The following HYDIN variants were observed in gnomAD, a reference collection of about 807,000 sequenced individuals.
The protein encoded by HYDIN is axonemal central pair apparatus protein HYDIN.
HYDIN carries 132 observed loss-of-function variants against 403.9 expected under a neutral mutation model. The ratio of observed to expected loss-of-function variants is 0.33; its 90% CI spans 0.28 to 0.38. The LOEUF (loss-of-function observed/expected upper bound fraction) is 0.38. Ranked by LOEUF, HYDIN falls within the 10% of genes least tolerant of loss-of-function variation. The pLI is 1.00. For synonymous variants in HYDIN, 1,202 were observed against 1,891.7 expected (o/e 0.64, Z 9.46); for missense variants, 2,827 against 5,009.5 (o/e 0.56, Z 13.15).
At chr16:71,175,916 C>T in intron 4 of HYDIN, 175 bp from the exon 5 acceptor site, 1 of 686,200 alleles carries the variant, frequency 1.5e-6, no homozygotes, top group Non-Finnish European at 2.6e-6. Flanking sequence ...AAAGTAAGCA[C>T]CCAATACCTT....
At chr16:71,186,489 T>G (rs370115399) in intron 2 of HYDIN, among the ~76,000 whole-genome samples, 2 of 152,294 alleles carry the variant, frequency 1.3e-5, no homozygotes, top group South Asian at 4.1e-4. Context: ...TGCTACCTAA[T>G]ATTTAGAAAA....
rs1238159820 is a variant in HYDIN, at chr16:71,062,672, C to T, written c.2212-339G>A. On this transcript the variant is annotated intron_variant, in intron 16 of 85. Transcript: ENST00000393567. ...CTTAACCTGGCCCTCTGCACCCTCA[C>T]GCATCATCCCCACTCCCTTGCCCTT... 6 of 185,206 alleles carry T rather than the reference C, an allele frequency of 3.2e-5. No individual in the cohort carries two copies. In the South Asian group the frequency reaches 3.3e-4, roughly 10 times the overall value. 11.5% of individuals were successfully genotyped at this position (185,206 alleles called of 1,614,324 possible). A position where few individuals can be genotyped will look rare whatever the true frequency, so the allele number is the denominator to read the frequency against.
At chr16:71,178,301 C>T (rs1180107821) in intron 4 of HYDIN, among the ~76,000 whole-genome samples, 1 of 151,500 alleles carries the variant, frequency 6.6e-6, no homozygotes, top group Non-Finnish European at 1.5e-5. Context: ...TGCCTGTAGT[C>T]CCAGCTACTG....
chr16:70,902,821 A>ATTTTTTTTTTTTTTTTTTTTTT (rs60618592), intron 52 of HYDIN, among the ~76,000 whole-genome samples: 3 of 47,312 alleles, frequency 6.3e-5, no homozygotes, highest in East Asian at 5.5e-4. Flanking sequence ...ATATATATAT[A>ATTTTTTTTTTTTTTTTTTTTTT]TTTTTTTTTT....
chr16:71,136,769 A>AG, intron 8 of HYDIN, among the ~76,000 whole-genome samples: 1 of 147,542 alleles, frequency 6.8e-6, no homozygotes, highest in East Asian at 2.0e-4. Context: ...TCCATCTCAA[A>AG]AAAAAAAAAA....
intron 9 of HYDIN, among the ~76,000 whole-genome samples, chr16:71,124,212 A>G (rs1404840203): frequency 1.3e-5 from 2 of 152,032 alleles, no homozygotes; most frequent in Non-Finnish European, 2.9e-5. Flanking sequence ...TGGACCCTAC[A>G]GCCTTGTTAA....
chr16:70,826,547 T>C (rs1024659422), intron 83 of HYDIN, among the ~76,000 whole-genome samples: 9 of 152,064 alleles, frequency 5.9e-5, no homozygotes, highest in Non-Finnish European at 8.8e-5. Flanking sequence ...GTTTCTATTT[T>C]ATGGTAACTT....
chr16:71,113,481 T>C (rs549255113), intron 10 of HYDIN: 1 of 152,370 alleles, frequency 6.6e-6, no homozygotes, highest in East Asian at 1.9e-4. Flanking sequence ...TAATGTCCTT[T>C]ATAGCAAAGG....
At chr16:71,059,407 C>T (rs1046565738) in intron 18 of HYDIN, among the ~76,000 whole-genome samples, 1 of 152,162 alleles carries the variant, frequency 6.6e-6, no homozygotes, top group Non-Finnish European at 1.5e-5. Context: ...ATCTTTTCCC[C>T]ATTGCTTTTG....
chr16:71,133,167 C>G, intron 8 of HYDIN: 1 of 435,092 alleles, frequency 2.3e-6, no homozygotes. Context: ...CCCTTCAGCA[C>G]CCACAAGAGG....
chr16:70,883,124 T>A (rs1052056722), intron 59 of HYDIN, among the ~76,000 whole-genome samples: 1 of 152,190 alleles, frequency 6.6e-6, no homozygotes, highest in Admixed American at 6.5e-5. Flanking sequence ...AATGGTAAGA[T>A]CCAAGATCTG....
chr16:70,905,632 T>TAA lies in HYDIN; in HGVS notation c.8517-1570_8517-1569dup, dbSNP rs10718035. On this transcript the variant is annotated intron_variant, in intron 50 of 85. Transcript: ENST00000393567. ...TGGGTGACGGAGTAAGACCCTATCTTAAAAAAAAAAAAAAAAAAAAAGACA... is the reference window on the plus strand; with the variant it reads ...TGGGTGACGGAGTAAGACCCTATCTTAAAAAAAAAAAAAAAAAAAAAAAGACA... 4.0e-4 allele frequency among the ~76,000 whole-genome samples: 40 copies of TAA among 99,540 alleles called. 1 individual carries two copies. Among genetic ancestry groups the TAA allele is most frequent in the Admixed American group, 3.0e-3 (29 of 9,600 alleles). 65.3% of individuals were successfully genotyped at this position (99,540 alleles called of 152,430 possible).
At chr16:71,068,723 G>A (rs1174641361) in intron 14 of HYDIN, among the ~76,000 whole-genome samples, 1 of 152,208 alleles carries the variant, frequency 6.6e-6, no homozygotes, top group African/African-American at 2.4e-5. Flanking sequence ...AAACATGGAA[G>A]GATGAGTATT....
chr16:70,959,782 C>A lies in HYDIN; in HGVS notation c.6007G>T (p.Glu2003Ter). 1 of 938,898 alleles carries A rather than the reference C, an allele frequency of 1.1e-6. No homozygotes were observed. The highest frequency in any genetic ancestry group is 2.8e-5 in the East Asian group (1 of 35,644). The allele number at this position is 938,898 out of a possible 1,614,324, so 58.2% of individuals were successfully genotyped here. ...LQSIDSHSME[E>*]VGEVENNPVS... Reference sequence around the variant, plus strand: ...GGGTTGTTTTCCACCTCTCCAACTTCCTCCATGGAGTGGCTGTCAATGCTC... The same window carrying A: ...GGGTTGTTTTCCACCTCTCCAACTTACTCCATGGAGTGGCTGTCAATGCTC... The change falls in exon 39 of 86, where the codon GAA becomes TAA. Residue 2003 changes from glutamate to a stop codon, truncating the protein, a stop_gained. Coordinates refer to ENST00000393567, the MANE Select transcript of HYDIN (RefSeq NM_001270974.2). LOFTEE classifies it high-confidence loss of function.
rs1265364688 is a variant in HYDIN, at chr16:70,818,502, C to A, written c.14498G>T (p.Gly4833Val). ...CACCATCTCGATGGTTTTGATGATG[C>A]CTGAAGGGATGACCCTGAAACTCAC... Reference protein sequence around the residue: ...YNVSFRVIPSGIIKTIEMVTP... With the variant: ...YNVSFRVIPSVIIKTIEMVTP... Residue 4833 changes from glycine to valine, a missense_variant, in exon 84 of 86, where the codon GGC (glycine) becomes GTC (valine). Transcript: ENST00000393567. 6.9e-7 allele frequency: 1 copy of A among 1,450,464 alleles called. No homozygotes were observed. The highest frequency in any genetic ancestry group is 1.9e-5 in the Admixed American group (1 of 53,352). 89.8% of individuals were successfully genotyped at this position (1,450,464 alleles called of 1,614,324 possible).
intron 45 of HYDIN, among the ~76,000 whole-genome samples, chr16:70,921,977 G>A (rs1247966220): frequency 1.3e-5 from 2 of 152,116 alleles, no homozygotes; most frequent in East Asian, 1.9e-4. Flanking sequence ...AGGCTCCATC[G>A]TTTTTTGGGT....
At chr16:71,133,412 C>A (rs534756744) in intron 8 of HYDIN, 53 of 372,484 alleles carry the variant, frequency 1.4e-4, no homozygotes, top group Non-Finnish European at 2.5e-4. Flanking sequence ...TTTGTATAAA[C>A]CCTAGGGAAG....
chr16:70,911,744 A>G (rs2076703032), intron 47 of HYDIN, among the ~76,000 whole-genome samples: 1 of 152,126 alleles, frequency 6.6e-6, no homozygotes, highest in African/African-American at 2.4e-5. Flanking sequence ...ATCCATGAGC[A>G]TGAGATGTTT....
rs368881280 is a variant in HYDIN at position 70,884,046 on chromosome 16, C to T, written c.9853G>A (p.Val3285Ile). The T allele has an allele frequency of 9.3e-6, 15 of 1,613,948 alleles. No homozygotes were observed. Among genetic ancestry groups the T allele is most frequent in the African/African-American group, 2.7e-5 (2 of 75,006 alleles). The change falls in exon 59 of 86, where the codon GTT becomes ATT. Residue 3285 changes from valine (V) to isoleucine (I), a missense_variant. By Grantham distance (29) the Val-to-Ile change is conservative (BLOSUM62 3). Transcript: ENST00000393567. ...CCCATGGCGTCAGCCACACAGTCAACGTTGATGACCTGCTGTCCTCCGGAA... is the reference window on the plus strand; with the variant it reads ...CCCATGGCGTCAGCCACACAGTCAATGTTGATGACCTGCTGTCCTCCGGAA... ...IPSGGQQVINVDCVADAMGKC... is the reference protein window; with the variant it reads ...IPSGGQQVINIDCVADAMGKC...
Sources: allele counts gnomAD v4.1 joint callset (sites outside exome capture counted in the v4.1 genomes callset), GRCh38; gene constraint gnomAD v4.1.1; transcripts MANE v1.5; gene names NCBI Gene and HGNC (gene_info 2026-07-23, HGNC 2026-07-21).